Variants in C4orf51 observed in about 807,000 individuals in gnomAD.
The protein encoded by C4orf51 is uncharacterized protein C4orf51.
A neutral mutation model predicts 25.2 loss-of-function variants in C4orf51; 25 were observed. That is an observed-to-expected ratio of 0.99 (90% confidence interval 0.72 to 1.39). The LOEUF (loss-of-function observed/expected upper bound fraction) is 1.39. Among genes scored for constraint, C4orf51 ranks in the 40% most tolerant of loss-of-function variants. The pLI, the probability that C4orf51 is intolerant of heterozygous loss-of-function variation, is 0.00. For missense variants in C4orf51, 252 were observed against 239.6 expected, an observed-to-expected ratio of 1.05 and a Z score of -0.34; for synonymous variants, 100 against 84.5, an observed-to-expected ratio of 1.18 and a Z score of -1.01.
intron 1 of C4orf51, among the ~76,000 whole-genome samples, chr4:145,767,254 C>A (rs561495602): frequency 7.9e-5 from 12 of 152,168 alleles, no homozygotes; most frequent in Non-Finnish European, 1.6e-4. Context: ...ACTGCAGTGT[C>A]TATTACCAGC....
chr4:145,752,066 G>C (rs933024036), intron 1 of C4orf51, among the ~76,000 whole-genome samples: 2 of 152,186 alleles, frequency 1.3e-5, no homozygotes, highest in Non-Finnish European at 2.9e-5. Context: ...CTTTGGCCCA[G>C]GGCAGGTCCA....
intron 1 of C4orf51, among the ~76,000 whole-genome samples, chr4:145,694,747 G>C (rs1048305118): frequency 1.3e-5 from 2 of 151,554 alleles, no homozygotes; most frequent in Admixed American, 1.3e-4. Context: ...CCTCTGCCCG[G>C]CCAAGTTTTT....
chr4:145,748,002 C>CT lies in C4orf51; in HGVS notation n.168-6197dup, dbSNP rs546770677. Among the ~76,000 whole-genome samples the CT allele has an allele frequency of 4.1e-3, 627 of 151,714 alleles. 4 individuals carry two copies. Among genetic ancestry groups the CT allele is most frequent in the Non-Finnish European group, 5.8e-3 (391 of 67,834 alleles). ...AGCAGTGAAGCCATCATGTCTCAGG[C>CT]TTTTTTTTGCTGTGGGACTTTTTAT... On this transcript the variant is annotated intron_variant and non_coding_transcript_variant, in intron 1 of 1. Coordinates refer to the C4orf51 transcript ENST00000508981.
downstream of C4orf51, among the ~76,000 whole-genome samples, chr4:145,773,871 G>T (rs1736650351): frequency 6.6e-6 from 1 of 152,148 alleles, no homozygotes; most frequent in South Asian, 2.1e-4. Flanking sequence ...AAGTAGGTGT[G>T]TAGTGCCCTG....
intron 1 of C4orf51, among the ~76,000 whole-genome samples, chr4:145,751,997 G>C (rs544459055): frequency 6.6e-6 from 1 of 152,180 alleles, no homozygotes; most frequent in Non-Finnish European, 1.5e-5. Flanking sequence ...GGGCTCTTCA[G>C]TCAGCTTGTG....
intron 2 of C4orf51, among the ~76,000 whole-genome samples, chr4:145,708,095 T>A (rs1474815928): frequency 8.5e-5 from 13 of 152,314 alleles, no homozygotes; most frequent in East Asian, 1.9e-4. Context: ...GGTAGTTACC[T>A]GGAGAAGTGT....
chr4:145,723,621 C>T (rs1323509299), intron 2 of C4orf51, among the ~76,000 whole-genome samples: 2 of 152,172 alleles, frequency 1.3e-5, no homozygotes, highest in African/African-American at 4.8e-5. Context: ...GTATTTCCAT[C>T]AGGGTTGGCA....
chr4:145,755,959 G>A (rs1388884077), downstream of C4orf51, among the ~76,000 whole-genome samples: 1 of 152,124 alleles, frequency 6.6e-6, no homozygotes, highest in Non-Finnish European at 1.5e-5. Context: ...CTGTCTTCTG[G>A]AAGCACTGAT....
downstream of C4orf51, among the ~76,000 whole-genome samples, chr4:145,771,789 T>C (rs1185763161): frequency 6.6e-6 from 1 of 152,242 alleles, no homozygotes; most frequent in African/African-American, 2.4e-5. Flanking sequence ...GAGCTTATCC[T>C]GTAGATCACA....
At chr4:145,779,335 G>A in the C4orf51 span, 1 of 1,598,548 alleles carries the variant, frequency 6.3e-7, no homozygotes, top group Admixed American at 1.8e-5. Flanking sequence ...GTTGGTGATG[G>A]AGCATAGAGG....
chr4:145,783,070 A>G, the C4orf51 span, among the ~76,000 whole-genome samples: 1 of 138,784 alleles, frequency 7.2e-6, no homozygotes, highest in African/African-American at 2.8e-5. Flanking sequence ...ATCTTCTATA[A>G]GCCATATATA....
intron 2 of C4orf51, among the ~76,000 whole-genome samples, chr4:145,708,934 A>C (rs1033870478): frequency 2.6e-5 from 4 of 152,188 alleles, no homozygotes; most frequent in Non-Finnish European, 5.9e-5. Context: ...AGGGGGCTGG[A>C]CTTCCCTTCC....
intron 2 of C4orf51, among the ~76,000 whole-genome samples, chr4:145,724,936 G>C (rs1293696071): frequency 6.9e-6 from 1 of 144,214 alleles, no homozygotes; most frequent in African/African-American, 2.6e-5. Flanking sequence ...AAGTGAAAAA[G>C]CACAATGATA....
chr4:145,680,598 C>G (rs1728777084), intron 1 of C4orf51, among the ~76,000 whole-genome samples, 162 bp downstream of exon 1: 1 of 152,144 alleles, frequency 6.6e-6, no homozygotes, highest in Non-Finnish European at 1.5e-5. Flanking sequence ...ATGTCAGTGA[C>G]CAGCTGAAAT....
chr4:145,750,019 A>G (rs1040478608), intron 1 of C4orf51, among the ~76,000 whole-genome samples: 1 of 152,170 alleles, frequency 6.6e-6, no homozygotes, highest in African/African-American at 2.4e-5. Flanking sequence ...TAAAGACTCT[A>G]CACTTTACCT....
intron 1 of C4orf51, among the ~76,000 whole-genome samples, chr4:145,744,307 G>A (rs758548485): frequency 1.3e-5 from 2 of 152,106 alleles, no homozygotes; most frequent in Non-Finnish European, 2.9e-5. Flanking sequence ...AATGATGAGG[G>A]TGGCAATGGA....
At chr4:145,764,386 T>C (rs1734965266) in intron 1 of C4orf51, among the ~76,000 whole-genome samples, 1 of 152,204 alleles carries the variant, frequency 6.6e-6, no homozygotes. Context: ...TATTAGTTGA[T>C]TGGTCTCACT....
chr4:145,741,411 C>G (rs1733091224), intron 1 of C4orf51, among the ~76,000 whole-genome samples: 2 of 151,962 alleles, frequency 1.3e-5, no homozygotes, highest in Non-Finnish European at 2.9e-5. Flanking sequence ...CTGTGTAGCC[C>G]TCTTTTCCTG....
intron 2 of C4orf51, among the ~76,000 whole-genome samples, chr4:145,701,286 A>G (rs1730424417): frequency 1.3e-5 from 2 of 151,974 alleles, no homozygotes; most frequent in Non-Finnish European, 2.9e-5. Context: ...AACCCCAGCC[A>G]CATCTCCAGC....
Sources: allele counts gnomAD v4.1 joint callset (sites outside exome capture counted in the v4.1 genomes callset), GRCh38; gene constraint gnomAD v4.1.1; transcripts MANE v1.5; gene names NCBI Gene and HGNC (gene_info 2026-07-23, HGNC 2026-07-21).